Variants in LAMA2 observed in about 807,000 individuals in gnomAD.
LAMA2 encodes the protein laminin subunit alpha 2.
LAMA2 carries 269 observed loss-of-function variants against 364.8 expected under a neutral mutation model. That is an observed-to-expected ratio of 0.74 (90% CI 0.67 to 0.82). LAMA2 has a LOEUF of 0.82. Ranked by LOEUF, LAMA2 falls within the 40% of genes least tolerant of loss-of-function variation. The probability of loss-of-function intolerance (pLI) is 0.00; values close to 1 mark genes in which losing one functional copy is unlikely to be tolerated. For missense variants in LAMA2, 3,807 were observed against 3,873.2 expected (o/e 0.98, Z 0.45); for synonymous variants, 1,379 against 1,370.6 (o/e 1.01, Z -0.14).
At chr6:129,349,457 C>A in intron 31 of LAMA2, 73 bp downstream of exon 31, 1 of 1,182,750 alleles carries the variant, frequency 8.5e-7, no homozygotes, top group Non-Finnish European at 1.3e-6. Flanking sequence ...AATAGGAAAA[C>A]ATTCATTATT....
rs1333056473 is a variant in LAMA2 at position 129,287,944 on chromosome 6, T to A, written c.2635T>A (p.Cys879Ser). 1.2e-6 allele frequency: 2 copies of A among 1,614,130 alleles called. No individual in the cohort carries two copies. The highest frequency in any genetic ancestry group is 3.3e-5 in the Admixed American group (2 of 60,018). ...CCTTGACTTCTCCATCCCTGGCAGC[T>A]GTGACAGCTTGTCTGGCTCCTGTCT... The part of the protein sequence containing the change: ...DNLDFSIPGS[C>S]DSLSGSCLIC... Residue 879 changes from cysteine (C) to serine (S), a missense_variant, in exon 19 of 65, where the codon TGT (cysteine) becomes AGT (serine). By Grantham distance (112) the Cys-to-Ser change is moderately radical. This residue lies in a region of LAMA2 where 3,333 missense variants were observed against 3,345.7 expected (regional missense o/e 1.00). Coordinates refer to ENST00000421865, the MANE Select transcript of LAMA2 (RefSeq NM_000426.4).
At chr6:129,015,193 G>A (rs1343595650) in intron 1 of LAMA2, among the ~76,000 whole-genome samples, 3 of 152,096 alleles carry the variant, frequency 2.0e-5, no homozygotes, top group Non-Finnish European at 4.4e-5. Context: ...TAATTATATC[G>A]AATCTTCAGA....
At chr6:128,974,052 G>T (rs1426831006) in intron 1 of LAMA2, among the ~76,000 whole-genome samples, 2 of 152,134 alleles carry the variant, frequency 1.3e-5, no homozygotes, top group African/African-American at 4.8e-5. Context: ...CCATTTAAAA[G>T]TCCTAAATAT....
chr6:129,050,797 G>C (rs1325826603), intron 2 of LAMA2, among the ~76,000 whole-genome samples: 1 of 152,198 alleles, frequency 6.6e-6, no homozygotes, highest in Non-Finnish European at 1.5e-5. Context: ...GCTGGAGCCA[G>C]ATTATGAAGG....
chr6:129,135,445 A>G (rs1777734520), intron 4 of LAMA2, among the ~76,000 whole-genome samples: 1 of 152,232 alleles, frequency 6.6e-6, no homozygotes, highest in Non-Finnish European at 1.5e-5. Flanking sequence ...CATTGTAACC[A>G]TTAAATGAGT....
chr6:129,152,410 G>A (rs532671409), intron 7 of LAMA2, among the ~76,000 whole-genome samples: 6 of 152,070 alleles, frequency 3.9e-5, no homozygotes, highest in Non-Finnish European at 7.4e-5. Context: ...TTTTTTAAGC[G>A]ATTAAAATTT....
intron 12 of LAMA2, among the ~76,000 whole-genome samples, chr6:129,206,087 A>G (rs1782632492): frequency 9.1e-6 from 1 of 109,460 alleles, no homozygotes; most frequent in Non-Finnish European, 1.8e-5. Flanking sequence ...GAAAGGAGGA[A>G]GGAAGGGAGG....
chr6:129,038,623 C>A (rs12191840), intron 1 of LAMA2, among the ~76,000 whole-genome samples: 53,266 of 152,006 alleles, frequency 0.35, 11,403 homozygotes, highest in African/African-American at 0.6. Context: ...TATCTCTACT[C>A]CTATCATTAT....
At chr6:129,354,155 A>C (rs995173096) in intron 32 of LAMA2, among the ~76,000 whole-genome samples, 2 of 152,132 alleles carry the variant, frequency 1.3e-5, no homozygotes, top group Non-Finnish European at 2.9e-5. Context: ...GCATGTCAAC[A>C]TTTCTTGTTT....
intron 12 of LAMA2, among the ~76,000 whole-genome samples, chr6:129,238,576 T>TGAGAGAGA (rs1554254279): frequency 3.1e-5 from 2 of 64,766 alleles, no homozygotes; most frequent in South Asian, 1.1e-3. Flanking sequence ...TGTGTGTGTG[T>TGAGAGAGA]GAGAGAGAGA....
intron 3 of LAMA2, among the ~76,000 whole-genome samples, chr6:129,060,632 G>A (rs1331977830): frequency 6.6e-6 from 1 of 152,210 alleles, no homozygotes; most frequent in Non-Finnish European, 1.5e-5. Context: ...GGTCAGGATA[G>A]TTAATGACAG....
chr6:129,238,410 A>G (rs1184069575), intron 12 of LAMA2, among the ~76,000 whole-genome samples: 1 of 152,174 alleles, frequency 6.6e-6, no homozygotes, highest in African/African-American at 2.4e-5. Flanking sequence ...GCCCTTTTAG[A>G]CATAACATAA....
chr6:129,171,374 T>C (rs1433115603), intron 9 of LAMA2, among the ~76,000 whole-genome samples: 1 of 152,158 alleles, frequency 6.6e-6, no homozygotes, highest in African/African-American at 2.4e-5. Context: ...GGACTGGTGG[T>C]GACAAAATCT....
intron 19 of LAMA2, among the ~76,000 whole-genome samples, chr6:129,290,692 T>C (rs1421174286): frequency 6.6e-6 from 1 of 152,148 alleles, no homozygotes; most frequent in Non-Finnish European, 1.5e-5. Context: ...ATATGTACCA[T>C]TAAAAATATA....
At chr6:129,117,849 T>C (rs2114913019) in intron 4 of LAMA2, among the ~76,000 whole-genome samples, 1 of 152,328 alleles carries the variant, frequency 6.6e-6, no homozygotes. Context: ...CCCAAGTTTA[T>C]ACAGCTGGTA....
At chr6:129,319,364 T>A (rs767616516) in intron 27 of LAMA2, among the ~76,000 whole-genome samples, 1 of 152,170 alleles carries the variant, frequency 6.6e-6, no homozygotes, top group Non-Finnish European at 1.5e-5. Flanking sequence ...CACTCACATT[T>A]TAAAAAGTGG....
intron 9 of LAMA2, among the ~76,000 whole-genome samples, chr6:129,175,043 A>G (rs1223777025): frequency 6.6e-6 from 1 of 152,216 alleles, no homozygotes; most frequent in East Asian, 1.9e-4. Context: ...TAAACTATTT[A>G]ATGCCTTTGC....
intron 1 of LAMA2, among the ~76,000 whole-genome samples, chr6:129,018,279 G>A (rs1785199901): frequency 6.6e-6 from 1 of 152,048 alleles, no homozygotes; most frequent in Non-Finnish European, 1.5e-5. Context: ...CTTGTTTGTT[G>A]CTTTAAGCAG....
At chr6:129,513,284 G>GTAA (rs1349242891) in intron 63 of LAMA2, among the ~76,000 whole-genome samples, 2 of 152,026 alleles carry the variant, frequency 1.3e-5, no homozygotes, top group African/African-American at 4.8e-5. Flanking sequence ...TCCAACAAAG[G>GTAA]TAATATAGGA....
Sources: allele counts gnomAD v4.1 joint callset (sites outside exome capture counted in the v4.1 genomes callset), GRCh38; gene constraint gnomAD v4.1.1; regional missense constraint gnomAD v4.1.1; transcripts MANE v1.5; gene names NCBI Gene and HGNC (gene_info 2026-07-23, HGNC 2026-07-21).